LAMA4: variants seen among roughly 807,000 people sequenced by gnomAD.
LAMA4 encodes laminin subunit alpha 4, also known as laminin subunit alpha-4.
In LAMA4, 127 loss-of-function variants were observed where a neutral mutation model predicts 207.1. The observed-to-expected ratio is 0.61, with a 90% CI of 0.53 to 0.71. LAMA4 has a LOEUF of 0.71. Ranked by LOEUF, LAMA4 falls within the 30% of genes least tolerant of loss-of-function variation. LAMA4 has a pLI of 0.00. For missense variants in LAMA4, 2,093 were observed against 2,246.5 expected (o/e 0.93, Z 1.38); for synonymous variants, 761 against 816.0 (o/e 0.93, Z 1.15).
intron 17 of LAMA4, 135 bp downstream of exon 17, chr6:112,150,376 C>T (rs543939190): frequency 2.5e-4 from 190 of 770,790 alleles, no homozygotes; most frequent in African/African-American, 6.6e-4. Flanking sequence ...TTGTGATGAA[C>T]GTATTTTGTC....
chr6:112,254,467 A>C lies in LAMA4; in HGVS notation c.-150T>G, dbSNP rs1787728968. 2.3e-6 allele frequency: 1 copy of C among 431,432 alleles called. No individual in the cohort carries two copies. Among genetic ancestry groups the C allele is most frequent in the East Asian group, 4.9e-5 (1 of 20,474 alleles). The allele number at this position is 431,432 out of a possible 1,614,324, so 26.7% of individuals were successfully genotyped here. A position where few individuals can be genotyped will look rare whatever the true frequency, so the allele number is the denominator to read the frequency against. On this transcript the variant is annotated 5_prime_UTR_variant, in exon 1 of 39. An upstream start codon of the reference 5' UTR is lost. Transcript: ENST00000230538. ...AGATGGACGGAGCTTACAGTACGGC[A>C]TCAAAAGGCAGACGGATTGGGGTGA...
Position 112,155,633 on chromosome 6 carries a change from C to G in LAMA4, c.1891G>C (p.Val631Leu). ...TCATTGGCTTCACTAACATAATTAA[C>G]AATATTTTCATAGACATTTGATGCA... The part of the protein sequence containing the change: ...LDASNVYENI[V>L]NYVSEANETA... The change falls in exon 15 of 39, where the codon GTT becomes CTT. Residue 631 changes from valine (V) to leucine (L), a missense_variant. By Grantham distance (32) the Val-to-Leu change is conservative. This residue lies in a region of LAMA4 where 1,704 missense variants were observed against 1,788.4 expected (regional missense o/e 0.95). Coordinates refer to ENST00000230538, the MANE Select transcript of LAMA4 (RefSeq NM_001105206.3). The G allele has an allele frequency of 6.2e-7, 1 of 1,614,060 alleles. No homozygotes were observed. The highest frequency in any genetic ancestry group is 8.5e-7 in the Non-Finnish European group (1 of 1,179,930).
At chr6:112,176,426 A>G (rs1289283883) in intron 10 of LAMA4, among the ~76,000 whole-genome samples, 2 of 152,328 alleles carry the variant, frequency 1.3e-5, no homozygotes, top group East Asian at 3.9e-4. Context: ...ATGGGTAAAC[A>G]AACATTGGTG....
intron 3 of LAMA4, chr6:112,214,040 CTGAAA>C: frequency 2.6e-6 from 2 of 763,160 alleles, no homozygotes; most frequent in Non-Finnish European, 4.9e-6. Flanking sequence ...AGGGCAGAAG[CTGAAA>C]AACCTGGGTC....
chr6:112,185,272 TTTTCATCGTGTTCTCAGCA>T lies in LAMA4; in HGVS notation c.1023_1041del (p.Asn341LysfsTer7). On this transcript the variant is annotated frameshift_variant, in exon 9 of 39. Coordinates refer to ENST00000230538, the MANE Select transcript of LAMA4 (RefSeq NM_001105206.3). LOFTEE classifies it high-confidence loss of function. ...AATTCCTCTACGTCAGACAGAAGGC[TTTTCATCGTGTTCTCAGCA>T]TTGTTGATTTGTATCTTTCTTAGGG... 6.2e-7 allele frequency: 1 copy of T among 1,612,990 alleles called. No homozygotes were observed. Among genetic ancestry groups the T allele is most frequent in the Non-Finnish European group, 8.5e-7 (1 of 1,178,928 alleles).
chr6:112,163,046 A>G (rs563968972), intron 13 of LAMA4, among the ~76,000 whole-genome samples: 4 of 141,116 alleles, frequency 2.8e-5, no homozygotes, highest in African/African-American at 1.1e-4. Context: ...ATCACGGCTC[A>G]CTGCAGCCTG....
intron 5 of LAMA4, among the ~76,000 whole-genome samples, chr6:112,193,049 G>A (rs1783209507): frequency 6.6e-6 from 1 of 152,138 alleles, no homozygotes; most frequent in Non-Finnish European, 1.5e-5. Flanking sequence ...ACTCTCTTTT[G>A]CTGTGGACTC....
chr6:112,175,569 C>T (rs1189079198), intron 10 of LAMA4, 89 bp from the exon 11 acceptor site: 1 of 1,273,938 alleles, frequency 7.8e-7, no homozygotes, highest in Non-Finnish European at 1.1e-6. Context: ...GGGCAAAGGG[C>T]AGGGCTGATC....
intron 16 of LAMA4, among the ~76,000 whole-genome samples, chr6:112,151,514 G>T (rs1456769623): frequency 6.6e-6 from 1 of 151,956 alleles, no homozygotes; most frequent in Non-Finnish European, 1.5e-5. Context: ...AATGAATATG[G>T]TATTTATTTA....
intron 11 of LAMA4, among the ~76,000 whole-genome samples, chr6:112,173,024 G>A (rs1781815097): frequency 6.6e-6 from 1 of 152,044 alleles, no homozygotes; most frequent in South Asian, 2.1e-4. Flanking sequence ...TTGAAAGAAG[G>A]GTTTGATTAG....
intron 2 of LAMA4, among the ~76,000 whole-genome samples, chr6:112,224,602 G>A (rs190623757): frequency 7.8e-4 from 118 of 152,096 alleles, no homozygotes; most frequent in African/African-American, 2.7e-3. Flanking sequence ...GATCACTTGA[G>A]GTAAGGAGTT....
chr6:112,201,657 C>G lies in LAMA4; in HGVS notation c.454G>C (p.Ala152Pro). 1 of 1,613,956 alleles carries G rather than the reference C, an allele frequency of 6.2e-7. No individual in the cohort carries two copies. The highest frequency in any genetic ancestry group is 8.5e-7 in the Non-Finnish European group (1 of 1,179,870). The change falls in exon 5 of 39, where the codon GCT becomes CCT. Residue 152 changes from alanine (A) to proline (P), a missense_variant. Physicochemically the swap from Ala to Pro is conservative, Grantham distance 27. Around this residue, in one of 3 missense-constraint regions of LAMA4, gnomAD observed 1,704 missense variants for 1,788.4 expected, o/e 0.95. Coordinates refer to ENST00000230538, the MANE Select transcript of LAMA4 (RefSeq NM_001105206.3). The part of the protein sequence containing the change: ...FAESCYRKNG[A>P]VRCICNENYA... ...TTTTCGTTACAAATGCACCGAACAG[C>G]TCCATTTTTCCTATAGCAGGATTCT...
At position 112,167,840 on chromosome 6, in the gene LAMA4, TCACACACACACACACACACA is replaced by T. The variant is rs71021873; in HGVS notation, c.1552-2584_1552-2565del. Among the ~76,000 whole-genome samples, 156 of 125,944 alleles carry T rather than the reference TCACACACACACACACACACA, an allele frequency of 1.2e-3. 1 individual carries two copies. Among genetic ancestry groups the T allele is most frequent in the African/African-American group, 3.9e-3 (124 of 32,146 alleles). 82.6% of individuals were successfully genotyped at this position (125,944 alleles called of 152,430 possible). A position where few individuals can be genotyped will look rare whatever the true frequency, so the allele number is the denominator to read the frequency against. On this transcript the variant is annotated intron_variant, in intron 12 of 38. Coordinates refer to ENST00000230538, the MANE Select transcript of LAMA4 (RefSeq NM_001105206.3). ...GTGGGGTTAGACTAGATGCATACCA[TCACACACACACACACACACA>T]CACACACACACACACACACACACAC...
At chr6:112,204,182 G>T (rs782693998) in intron 4 of LAMA4, among the ~76,000 whole-genome samples, 3 of 152,094 alleles carry the variant, frequency 2.0e-5, no homozygotes, top group Non-Finnish European at 4.4e-5. Context: ...TGAGATTTTT[G>T]ACTGTTTTAC....
At chr6:112,161,427 T>G (rs1460842587) in intron 13 of LAMA4, among the ~76,000 whole-genome samples, 1 of 152,186 alleles carries the variant, frequency 6.6e-6, no homozygotes, top group Non-Finnish European at 1.5e-5. Flanking sequence ...TTTTGGTTGG[T>G]CATCTGGGGA....
At position 112,222,958 on chromosome 6, in the gene LAMA4, G is replaced by C. The variant is rs1785008044; in HGVS notation, c.196-6489C>G. Among the ~76,000 whole-genome samples, 5 of 152,142 alleles carry C rather than the reference G, an allele frequency of 3.3e-5. No homozygotes were observed. In the South Asian group the frequency reaches 1.0e-3, roughly 32 times the overall value. On this transcript the variant is annotated intron_variant, in intron 2 of 38. Coordinates refer to ENST00000230538, the MANE Select transcript of LAMA4 (RefSeq NM_001105206.3). ...ATTTGCTTCTTGAAAATTATTTAAA[G>C]TAATTGTCAAGTCACTTGTTTATAG...
intron 9 of LAMA4, among the ~76,000 whole-genome samples, chr6:112,181,300 A>G (rs1049136832): frequency 6.6e-6 from 1 of 152,330 alleles, no homozygotes; most frequent in Middle Eastern, 3.4e-3. Flanking sequence ...ACGTTTCTAA[A>G]GTGCAAATCT....
intron 2 of LAMA4, chr6:112,218,887 A>G (rs2115071147): frequency 6.6e-6 from 1 of 152,372 alleles, no homozygotes; most frequent in South Asian, 2.1e-4. Context: ...GGCCTTGTCC[A>G]CCTGAAAGAA....
intron 2 of LAMA4, among the ~76,000 whole-genome samples, chr6:112,244,000 G>A (rs562602303): frequency 3.9e-5 from 6 of 152,310 alleles, no homozygotes; most frequent in Non-Finnish European, 8.8e-5. Flanking sequence ...GGATGTGGCA[G>A]TGAGCCAAGA....
Sources: gnomAD v4.1 joint callset for allele counts (sites outside exome capture counted in the v4.1 genomes callset) on GRCh38, gnomAD v4.1.1 for gene constraint, gnomAD v4.1.1 regional missense constraint, MANE v1.5 for transcripts, NCBI Gene and HGNC (gene_info 2026-07-23, HGNC 2026-07-21) for gene names.